The following AUTS2 variants were observed in gnomAD, a reference collection of about 807,000 sequenced individuals.
AUTS2 encodes the protein autism susceptibility gene 2 protein.
AUTS2 carries 17 observed loss-of-function variants against 112.4 expected under a neutral mutation model. That is an observed-to-expected ratio of 0.15 (90% CI 0.10 to 0.23). AUTS2 has a LOEUF of 0.23. Ranked by LOEUF, AUTS2 falls within the 10% of genes least tolerant of loss-of-function variation. The pLI is 1.00. For missense variants in AUTS2, 1,510 were observed against 1,701.6 expected (o/e 0.89, Z 1.98); for synonymous variants, 751 against 702.7 (o/e 1.07, Z -1.09).
intron 4 of AUTS2, among the ~76,000 whole-genome samples, chr7:70,301,099 C>T (rs908750513): frequency 3.3e-5 from 5 of 152,096 alleles, no homozygotes; most frequent in Non-Finnish European, 7.4e-5. Context: ...TTTATATGAG[C>T]ATTTAGACCA....
At chr7:70,134,497 T>A in intron 3 of AUTS2, 39 bp from the exon 4 acceptor site, 2 of 1,601,578 alleles carry the variant, frequency 1.2e-6, no homozygotes, top group Non-Finnish European at 1.7e-6. Flanking sequence ...TTAAAAACCA[T>A]TGCTGATTTT....
intron 4 of AUTS2, among the ~76,000 whole-genome samples, chr7:70,346,749 G>A (rs1310360458): frequency 2.6e-5 from 4 of 152,144 alleles, no homozygotes; most frequent in African/African-American, 9.7e-5. Context: ...TTGTTAGGAT[G>A]AAGAACTAGA....
chr7:70,609,113 G>C (rs1001945197), intron 5 of AUTS2, among the ~76,000 whole-genome samples: 3 of 152,174 alleles, frequency 2.0e-5, no homozygotes, highest in African/African-American at 7.2e-5. Context: ...TGATTTCTAA[G>C]AATACAATGT....
Position 70,654,236 on chromosome 7 carries a change from C to G in AUTS2, c.691-44333C>G, listed in dbSNP as rs1317810226. Among the ~76,000 whole-genome samples the G allele has an allele frequency of 5.3e-5, 8 of 152,276 alleles. No individual in the cohort carries two copies. The South Asian group carries it at 6.2e-4, about 12-fold the overall frequency. On this transcript the variant is annotated intron_variant, in intron 5 of 18. Coordinates refer to ENST00000342771, the MANE Select transcript of AUTS2 (RefSeq NM_015570.4). ...TTTAGAGAAAAGAATAACCATTACT[C>G]TAAACCAGGGGTCAGCAAACTTTTA...
intron 6 of AUTS2, among the ~76,000 whole-genome samples, chr7:70,736,903 T>G (rs1192241200): frequency 6.6e-6 from 1 of 152,168 alleles, no homozygotes; most frequent in African/African-American, 2.4e-5. Context: ...AGTGAGTGAC[T>G]TCCCCACCCC....
chr7:70,169,325 C>T (rs1199758775), intron 4 of AUTS2, among the ~76,000 whole-genome samples: 1 of 152,084 alleles, frequency 6.6e-6, no homozygotes, highest in Non-Finnish European at 1.5e-5. Flanking sequence ...ACTGCAAGCT[C>T]TGCTTCCTGA....
At chr7:70,006,155 C>G (rs1404268650) in intron 2 of AUTS2, among the ~76,000 whole-genome samples, 1 of 152,142 alleles carries the variant, frequency 6.6e-6, no homozygotes, top group East Asian at 1.9e-4. Flanking sequence ...CTTAGTTCTA[C>G]TCAAAGTCTA....
chr7:69,989,443 C>T (rs760449528), intron 2 of AUTS2, among the ~76,000 whole-genome samples: 1 of 152,078 alleles, frequency 6.6e-6, no homozygotes, highest in Non-Finnish European at 1.5e-5. Context: ...CTTTTTAGAG[C>T]ACCTATTAGA....
rs147968085 is a variant in AUTS2 at position 70,786,016 on chromosome 7, G to A, written c.2286G>A (p.Gly762=). ...CAGCAGTTGGTGGCAATGCCTTCGG[G>A]GGACTTGGAAATCCTTCCGTTAGTG... ...GLAAVGGNAF[G]GLGNPSVTPN... is the part of the protein sequence containing the mutation. The change falls in exon 17 of 19, where the codon GGG becomes GGA. Residue 762 remains glycine, a synonymous_variant. Transcript: ENST00000342771. 71 of 1,613,978 alleles carry A rather than the reference G, an allele frequency of 4.4e-5. No homozygotes were observed. The highest frequency in any genetic ancestry group is 5.4e-5 in the Non-Finnish European group (64 of 1,179,996).
At chr7:70,449,047 A>G (rs1366379794) in intron 5 of AUTS2, among the ~76,000 whole-genome samples, 1 of 152,220 alleles carries the variant, frequency 6.6e-6, no homozygotes, top group Admixed American at 6.5e-5. Context: ...TTCAAATAAC[A>G]TACATTAAAC....
At chr7:70,753,770 G>A (rs561722835) in intron 6 of AUTS2, among the ~76,000 whole-genome samples, 3 of 152,278 alleles carry the variant, frequency 2.0e-5, no homozygotes, top group Non-Finnish European at 2.9e-5. Context: ...TCAGTAGGGC[G>A]GTTGGGGTTT....
intron 4 of AUTS2, among the ~76,000 whole-genome samples, chr7:70,169,633 C>T (rs925362372): frequency 3.9e-5 from 6 of 152,070 alleles, no homozygotes; most frequent in African/African-American, 1.4e-4. Flanking sequence ...GTCATGAATA[C>T]TATTAATTTG....
Position 70,081,963 on chromosome 7 carries a change from T to TGC in AUTS2, c.523-36168_523-36167insCG, listed in dbSNP as rs1554304900. Among the ~76,000 whole-genome samples, 434 of 146,230 alleles carry TGC rather than the reference T, an allele frequency of 3.0e-3. 3 individuals are homozygous for TGC. The highest frequency in any genetic ancestry group is 0.01 in the African/African-American group (404 of 39,190). ...GTGTGTGTGTGTGTGTGTGTGTGTG[T>TGC]GTGCGCGCGCCTGTGTGTGTGTTTA... On this transcript the variant is annotated intron_variant, in intron 2 of 18. Transcript: ENST00000342771.
At chr7:70,245,144 G>GTATATATATA (rs71077638) in intron 4 of AUTS2, among the ~76,000 whole-genome samples, 7 of 108,966 alleles carry the variant, frequency 6.4e-5, no homozygotes, top group African/African-American at 2.9e-4. Flanking sequence ...GTGTGTGTGT[G>GTATATATATA]TATATATATA....
At chr7:69,857,145 T>C (rs918733611) in intron 1 of AUTS2, among the ~76,000 whole-genome samples, 1 of 152,198 alleles carries the variant, frequency 6.6e-6, no homozygotes, top group African/African-American at 2.4e-5. Context: ...GTCAGACATG[T>C]GCAGTGTATT....
intron 4 of AUTS2, among the ~76,000 whole-genome samples, chr7:70,342,347 A>T (rs866580448): frequency 1.3e-5 from 2 of 151,308 alleles, no homozygotes; most frequent in Non-Finnish European, 2.9e-5. Flanking sequence ...GCGGGGGGGA[A>T]GTCGCTTGCC....
chr7:69,948,226 G>A (rs955304745), intron 2 of AUTS2, among the ~76,000 whole-genome samples: 1 of 152,166 alleles, frequency 6.6e-6, no homozygotes, highest in Non-Finnish European at 1.5e-5. Flanking sequence ...GGCCACTCAA[G>A]CAGGCCTCCA....
chr7:70,035,965 A>G (rs1358474425), intron 2 of AUTS2, among the ~76,000 whole-genome samples: 1 of 152,202 alleles, frequency 6.6e-6, no homozygotes, highest in Non-Finnish European at 1.5e-5. Context: ...TTTACAGTTT[A>G]ATGGAAGAAG....
chr7:70,315,770 C>A (rs895995542), intron 4 of AUTS2, among the ~76,000 whole-genome samples: 4 of 152,132 alleles, frequency 2.6e-5, no homozygotes, highest in African/African-American at 9.7e-5. Context: ...TATCCTAGCC[C>A]CTGGATTCTT....
Sources: allele counts gnomAD v4.1 joint callset (sites outside exome capture counted in the v4.1 genomes callset), GRCh38; gene constraint gnomAD v4.1.1; transcripts MANE v1.5; gene names NCBI Gene and HGNC (gene_info 2026-07-23, HGNC 2026-07-21).